Variants in CSMD3 observed in about 807,000 individuals in gnomAD.
CSMD3 encodes CUB and sushi domain-containing protein 3.
In CSMD3, 177 loss-of-function variants were observed where a neutral mutation model predicts 435.2. The observed-to-expected ratio is 0.41, with a 90% CI of 0.36 to 0.46. The LOEUF (loss-of-function observed/expected upper bound fraction) is 0.46, where lower values mean the gene tolerates loss of function less well. CSMD3 is among the 20% of genes least tolerant of loss of function. The pLI is 0.34. For synonymous variants in CSMD3, 1,656 were observed against 1,520.5 expected, an observed-to-expected ratio of 1.09 and a Z score of -2.07; for missense variants, 4,265 against 4,504.6, an observed-to-expected ratio of 0.95 and a Z score of 1.52.
intron 1 of CSMD3, chr8:113,377,240 A>C (rs2094391684): frequency 2.9e-6 from 2 of 693,120 alleles, no homozygotes; most frequent in Non-Finnish European, 3.9e-6. Flanking sequence ...CCGAGGATAC[A>C]AAAACAAACC....
chr8:112,648,781 C>G (rs2075049250), intron 19 of CSMD3, among the ~76,000 whole-genome samples: 2 of 152,116 alleles, frequency 1.3e-5, no homozygotes, highest in South Asian at 4.1e-4. Flanking sequence ...GTGAATGCTC[C>G]TCATTCAGGC....
At chr8:113,296,614 A>G (rs778046427) in intron 2 of CSMD3, among the ~76,000 whole-genome samples, 71 of 152,284 alleles carry the variant, frequency 4.7e-4, no homozygotes, top group African/African-American at 1.5e-3. Context: ...ATGTGTGACC[A>G]GATTCTAGAA....
rs529741544 is a variant in CSMD3 at position 112,459,621 on chromosome 8, C to A, written c.5395+12970G>T. On this transcript the variant is annotated intron_variant, in intron 32 of 70. Transcript: ENST00000297405. Reference sequence around the variant, plus strand: ...TGGGTTATCTGACTACTCAATTAGACAATATACTAACAAGAACAATTAAGC... The same window carrying A: ...TGGGTTATCTGACTACTCAATTAGAAAATATACTAACAAGAACAATTAAGC... Among the ~76,000 whole-genome samples, 12 of 152,218 alleles carry A rather than the reference C, an allele frequency of 7.9e-5. No homozygotes were observed. In the South Asian group the frequency reaches 2.5e-3, roughly 32 times the overall value.
At chr8:113,328,043 T>C (rs575386127) in intron 1 of CSMD3, among the ~76,000 whole-genome samples, 75 of 152,054 alleles carry the variant, frequency 4.9e-4, no homozygotes, top group African/African-American at 1.8e-3. Context: ...TTGTAAATTG[T>C]TATAATGTTG....
intron 10 of CSMD3, among the ~76,000 whole-genome samples, chr8:112,905,466 T>C (rs1397358018): frequency 6.6e-6 from 1 of 151,326 alleles, no homozygotes; most frequent in East Asian, 2.0e-4. Flanking sequence ...TGTTCTGGAA[T>C]ATCTTTTTAA....
intron 40 of CSMD3, among the ~76,000 whole-genome samples, chr8:112,350,388 G>A (rs111940788): frequency 2.6e-5 from 4 of 151,282 alleles, no homozygotes; most frequent in African/African-American, 9.7e-5. Flanking sequence ...AAACCTTGCA[G>A]GCTGAATATG....
At chr8:112,948,957 T>C (rs2083710894) in intron 8 of CSMD3, among the ~76,000 whole-genome samples, 1 of 152,050 alleles carries the variant, frequency 6.6e-6, no homozygotes, top group Admixed American at 6.6e-5. Context: ...CCATCCATGC[T>C]GGTGTGCAGC....
intron 22 of CSMD3, among the ~76,000 whole-genome samples, chr8:112,594,263 A>T (rs562807086): frequency 1.3e-5 from 2 of 152,184 alleles, no homozygotes; most frequent in Admixed American, 6.5e-5. Flanking sequence ...CGATGGACGC[A>T]CCTGGAAAAT....
chr8:112,543,919 C>A (rs1007506149), intron 27 of CSMD3, among the ~76,000 whole-genome samples: 1 of 152,096 alleles, frequency 6.6e-6, no homozygotes, highest in Non-Finnish European at 1.5e-5. Flanking sequence ...CAATAGTCAG[C>A]AACATGAGCG....
At chr8:112,931,257 A>C in intron 9 of CSMD3, among the ~76,000 whole-genome samples, 1 of 152,158 alleles carries the variant, frequency 6.6e-6, no homozygotes, top group South Asian at 2.1e-4. Flanking sequence ...TGACTATGCT[A>C]TAAAGCACTT....
At chr8:113,249,825 C>G (rs1588369059) in intron 3 of CSMD3, among the ~76,000 whole-genome samples, 1 of 148,244 alleles carries the variant, frequency 6.7e-6, no homozygotes, top group East Asian at 2.0e-4. Flanking sequence ...TAATCTATGG[C>G]AATAGTATTC....
intron 56 of CSMD3, among the ~76,000 whole-genome samples, chr8:112,290,431 G>T (rs1819651680): frequency 6.6e-6 from 1 of 152,008 alleles, no homozygotes; most frequent in South Asian, 2.1e-4. Context: ...TAACTTTAAT[G>T]TGGTAGCTAC....
intron 10 of CSMD3, among the ~76,000 whole-genome samples, chr8:112,918,174 C>T (rs2082628391): frequency 6.6e-6 from 1 of 151,812 alleles, no homozygotes; most frequent in African/African-American, 2.4e-5. Flanking sequence ...AATACCTACT[C>T]ATGTTCATAA....
rs1823202196 is a variant in CSMD3, at chr8:112,323,489, A to T, written c.7166-3508T>A. Among the ~76,000 whole-genome samples the T allele has an allele frequency of 2.6e-5, 4 of 152,060 alleles. No homozygotes were observed. In the South Asian group the frequency reaches 8.3e-4, roughly 31 times the overall value. ...ATTGGTTAACTTAAGGTTGTATAAA[A>T]TTATGGGGGTACCCTTAATTCAATA... On this transcript the variant is annotated intron_variant, in intron 45 of 70. Coordinates refer to ENST00000297405, the MANE Select transcript of CSMD3 (RefSeq NM_198123.2).
intron 30 of CSMD3, among the ~76,000 whole-genome samples, chr8:112,496,532 T>G (rs533466843): frequency 8.3e-4 from 127 of 152,108 alleles, no homozygotes; most frequent in African/African-American, 3.0e-3. Flanking sequence ...CTATTCAGAA[T>G]AGTCAAGATT....
intron 13 of CSMD3, among the ~76,000 whole-genome samples, chr8:112,720,128 T>C (rs540112614): frequency 7.9e-5 from 12 of 152,260 alleles, no homozygotes; most frequent in Admixed American, 7.9e-4. Context: ...AAGCTCAACT[T>C]CTTGATTTCC....
chr8:112,587,519 C>T (rs902982324), intron 22 of CSMD3, among the ~76,000 whole-genome samples: 2 of 151,708 alleles, frequency 1.3e-5, no homozygotes, highest in African/African-American at 4.8e-5. Flanking sequence ...AGGGTGAGAG[C>T]ATGAACTTAA....
intron 11 of CSMD3, among the ~76,000 whole-genome samples, chr8:112,834,317 A>T (rs1384175740): frequency 6.6e-6 from 1 of 151,920 alleles, no homozygotes; most frequent in Non-Finnish European, 1.5e-5. Context: ...GAATTTTTAT[A>T]ATACATTCAT....
At chr8:112,442,721 C>T (rs1478064441) in intron 32 of CSMD3, among the ~76,000 whole-genome samples, 2 of 152,054 alleles carry the variant, frequency 1.3e-5, no homozygotes, top group East Asian at 1.9e-4. Flanking sequence ...CAGCTCTCAT[C>T]AAAAAAATAT....
Sources: allele counts gnomAD v4.1 joint callset (sites outside exome capture counted in the v4.1 genomes callset), GRCh38; gene constraint gnomAD v4.1.1; transcripts MANE v1.5; gene names NCBI Gene and HGNC (gene_info 2026-07-23, HGNC 2026-07-21).